GRIN3B: variants seen among roughly 807,000 people sequenced by gnomAD.
The protein encoded by GRIN3B is glutamate ionotropic receptor NMDA type subunit 3B.
A neutral mutation model predicts 66.0 loss-of-function variants in GRIN3B; 77 were observed. The ratio of observed to expected loss-of-function variants is 1.17; its 90% CI spans 0.97 to 1.41. The LOEUF is 1.41. GRIN3B is among the 40% of genes most tolerant of loss of function. GRIN3B has a pLI of 0.00. For synonymous variants in GRIN3B, 823 were observed against 749.7 expected, an observed-to-expected ratio of 1.10 and a Z score of -1.60; for missense variants, 1,787 against 1,564.5, an observed-to-expected ratio of 1.14 and a Z score of -2.40.
chr19:1,008,001 C>T (rs1309854285), intron 5 of GRIN3B, 30 bp downstream of exon 5: 10 of 1,604,848 alleles, frequency 6.2e-6, no homozygotes, highest in Non-Finnish European at 7.7e-6. Context: ...GGCGGGGCGC[C>T]GGGGTCTCTG....
chr19:1,003,159 C>T lies in GRIN3B; in HGVS notation c.456C>T (p.Ala152=), dbSNP rs35163060. Residue 152 remains alanine (A), a synonymous_variant, in exon 2 of 9, where the codon GCC becomes GCT. Coordinates refer to ENST00000234389, the MANE Select transcript of GRIN3B (RefSeq NM_138690.3). ...PNPFHLQLHW[A]SPLETLLDVL... ...CATTCCACCTGCAGCTGCACTGGGC[C>T]AGCCCCCTGGAGACGCTGCTGGATG... 0.085 allele frequency: 125,215 copies of T among 1,479,266 alleles called. 7,023 individuals are homozygous for T. The highest frequency in any genetic ancestry group is 0.28 in the African/African-American group (19,404 of 68,124). The allele number at this position is 1,479,266 out of a possible 1,614,324, so 91.6% of individuals were successfully genotyped here. A position where few individuals can be genotyped will look rare whatever the true frequency, so the allele number is the denominator to read the frequency against.
rs1473120624 is a variant in GRIN3B at position 1,007,697 on chromosome 19, A to T, written c.2122A>T (p.Lys708Ter). ...WESSAEAYIK[K>*]SFPDMHAHMR... ...GAGCAGCGCCGAGGCGTACATCAAGAAGAGCTTCCCCGACATGCACGCACA... is the reference window on the plus strand; with the variant it reads ...GAGCAGCGCCGAGGCGTACATCAAGTAGAGCTTCCCCGACATGCACGCACA... The change falls in exon 4 of 9, where the codon AAG (lysine) becomes TAG (stop). Residue 708 changes from lysine to a stop codon, truncating the protein, a stop_gained. Transcript: ENST00000234389. LOFTEE classifies it high-confidence loss of function. This position sits in a 1 kb window ranked among gnomAD's most constrained non-coding sequence, Gnocchi z 4.4. 10 of 1,537,512 alleles carry T rather than the reference A, an allele frequency of 6.5e-6. No individual in the cohort carries two copies. In the South Asian group the frequency reaches 9.7e-5, roughly 15 times the overall value.
Position 1,007,610 on chromosome 19 carries a change from A to G in GRIN3B, c.2053-18A>G. On this transcript the variant is annotated intron_variant, in intron 3 of 8. Transcript: ENST00000234389. This position sits in a 1 kb window ranked among gnomAD's most constrained non-coding sequence, Gnocchi z 4.4. Reference sequence around the variant, plus strand: ...TCCTGAGGGGCAGGCAGAGGCGCTGACGGGGTCCCCCGCGCAGCTGCACCA... The same window carrying G: ...TCCTGAGGGGCAGGCAGAGGCGCTGGCGGGGTCCCCCGCGCAGCTGCACCA... 6.8e-7 allele frequency: 1 copy of G among 1,479,486 alleles called. No individual in the cohort carries two copies. The highest frequency in any genetic ancestry group is 2.4e-5 in the Admixed American group (1 of 42,188). The allele number at this position is 1,479,486 out of a possible 1,614,324, so 91.6% of individuals were successfully genotyped here.
Position 1,009,236 on chromosome 19 carries a change from A to ACGGGCGCGC in GRIN3B, c.2772_2780dup (p.Arg925_Ala927dup). On this transcript the variant is annotated inframe_insertion, in exon 9 of 9. Transcript: ENST00000234389. ...AGCCAACGGCTCCGGAGGGCTGGAA[A>ACGGGCGCGC]CGGGCGCGCCGGGCCGTGGACAAGG... 6.9e-7 allele frequency: 1 copy of ACGGGCGCGC among 1,453,656 alleles called. No individual in the cohort carries two copies. Among genetic ancestry groups the ACGGGCGCGC allele is most frequent in the Middle Eastern group, 2.4e-4 (1 of 4,168 alleles). The allele number at this position is 1,453,656 out of a possible 1,614,324, so 90.0% of individuals were successfully genotyped here. A position where few individuals can be genotyped will look rare whatever the true frequency, so the allele number is the denominator to read the frequency against.
intron 2 of GRIN3B, among the ~76,000 whole-genome samples, chr19:1,004,029 CTG>C (rs2038712781): frequency 1.3e-5 from 2 of 152,362 alleles, no homozygotes; most frequent in African/African-American, 4.8e-5. Context: ...GTCCAGGCTG[CTG>C]TGAGCTGAGA....
At position 1,009,237 on chromosome 19, in the gene GRIN3B, C is replaced by G. The variant is rs550629298; in HGVS notation, c.2767C>G (p.Arg923Gly). 2.0e-5 allele frequency: 29 copies of G among 1,442,486 alleles called. No homozygotes were observed. The highest frequency in any genetic ancestry group is 2.4e-4 in the Middle Eastern group (1 of 4,108). The allele number at this position is 1,442,486 out of a possible 1,614,324, so 89.4% of individuals were successfully genotyped here. ...DQPTAPEGWK[R>G]ARRAVDKERR... ...GCCAACGGCTCCGGAGGGCTGGAAA[C>G]GGGCGCGCCGGGCCGTGGACAAGGA... Residue 923 changes from arginine (R) to glycine (G), a missense_variant, in exon 9 of 9, where the codon CGG becomes GGG. Coordinates refer to ENST00000234389, the MANE Select transcript of GRIN3B (RefSeq NM_138690.3).
intron 3 of GRIN3B, among the ~76,000 whole-genome samples, chr19:1,006,686 T>C (rs1226256266): frequency 6.6e-6 from 1 of 152,152 alleles, no homozygotes; most frequent in Admixed American, 6.6e-5. Context: ...TGGTGTCCCC[T>C]GGGGGTGCCT....
intron 1 of GRIN3B, 137 bp downstream of exon 1, chr19:1,001,000 C>T (rs1046051482): frequency 3.9e-6 from 4 of 1,034,764 alleles, no homozygotes; most frequent in Non-Finnish European, 3.8e-6. Context: ...TGGACGGGCC[C>T]CAGGGATCAG....
At position 1,000,581 on chromosome 19, in the gene GRIN3B, C is replaced by A. The variant is rs1353806887; in HGVS notation, c.144C>A (p.Leu48=). ...RLGALLPRAP[L]ARARARAALA... is the part of the protein sequence containing the mutation. ...GCGCCCTCCTGCCCCGCGCGCCTCTCGCCCGCGCCCGCGCCCGCGCCGCCC... is the reference window on the plus strand; with the variant it reads ...GCGCCCTCCTGCCCCGCGCGCCTCTAGCCCGCGCCCGCGCCCGCGCCGCCC... Residue 48 remains leucine, a synonymous_variant, in exon 1 of 9, where the codon CTC becomes CTA. Transcript: ENST00000234389. 3.0e-6 allele frequency: 3 copies of A among 1,004,970 alleles called. No homozygotes were observed. Among genetic ancestry groups the A allele is most frequent in the Admixed American group, 1.2e-4 (2 of 16,722 alleles). The allele number at this position is 1,004,970 out of a possible 1,614,324, so 62.3% of individuals were successfully genotyped here.
At chr19:1,008,377 T>TC in intron 6 of GRIN3B, 86 bp downstream of exon 6, 6 of 1,282,934 alleles carry the variant, frequency 4.7e-6, no homozygotes, top group Non-Finnish European at 5.4e-6. Context: ...ACCCCAGTGC[T>TC]CATTCCCCAG....
rs1306295647 is a variant in GRIN3B, at chr19:1,000,442, A to C, written c.5A>C (p.Glu2Ala). The C allele has an allele frequency of 8.3e-7, 1 of 1,211,058 alleles. No homozygotes were observed. Among genetic ancestry groups the C allele is most frequent in the African/African-American group, 1.6e-5 (1 of 63,144 alleles). 75.0% of individuals were successfully genotyped at this position (1,211,058 alleles called of 1,614,324 possible). A position where few individuals can be genotyped will look rare whatever the true frequency, so the allele number is the denominator to read the frequency against. ...AGCGACGCCGACAACTTTGCGATGG[A>C]GTTTGTGCGGGCGCTGTGGCTGGGC... M[E>A]FVRALWLGLA... is the part of the protein sequence containing the mutation. Residue 2 changes from glutamate (E) to alanine (A), a missense_variant, in exon 1 of 9, where the codon GAG (glutamate) becomes GCG (alanine). Physicochemically the swap from Glu to Ala is moderately radical, Grantham distance 107. Transcript: ENST00000234389.
rs947877973 is a variant in GRIN3B at position 1,003,515 on chromosome 19, C to T, written c.812C>T (p.Thr271Ile). 20 of 1,531,856 alleles carry T rather than the reference C, an allele frequency of 1.3e-5. No individual in the cohort carries two copies. The Admixed American group carries it at 2.4e-4, about 18-fold the overall frequency. 94.9% of individuals were successfully genotyped at this position (1,531,856 alleles called of 1,614,324 possible). Residue 271 changes from threonine (T) to isoleucine (I), a missense_variant, in exon 2 of 9, where the codon ACC becomes ATC. Transcript: ENST00000234389. ...GTPLPPKALPTAGLPPGLLAL... is the reference protein window; with the variant it reads ...GTPLPPKALPIAGLPPGLLAL... ...CCACTGCCGCCCAAGGCCCTGCCCA[C>T]CGCGGGGCTGCCACCAGGGCTGCTG... is the stretch of plus-strand genomic sequence containing the variant.
rs765980188 is a variant in GRIN3B, at chr19:1,003,172, ACGC to A, written c.470_472del (p.Thr157_Leu158delinsMet). The stretch of plus-strand genomic sequence containing the variant: ...GCTGCACTGGGCCAGCCCCCTGGAG[ACGC>A]TGCTGGATGTGCTGGTGGCGGTGCT... On this transcript the variant is annotated inframe_deletion, in exon 2 of 9. Transcript: ENST00000234389. 1.3e-6 allele frequency: 2 copies of A among 1,495,622 alleles called. No individual in the cohort carries two copies. The highest frequency in any genetic ancestry group is 1.8e-6 in the Non-Finnish European group (2 of 1,125,084). The allele number at this position is 1,495,622 out of a possible 1,614,324, so 92.6% of individuals were successfully genotyped here. A position where few individuals can be genotyped will look rare whatever the true frequency, so the allele number is the denominator to read the frequency against.
rs774436196 is a variant in GRIN3B at position 1,004,611 on chromosome 19, G to A, written c.1110G>A (p.Val370=). Residue 370 remains valine (V), a synonymous_variant, in exon 3 of 9, where the codon GTG becomes GTA. Coordinates refer to ENST00000234389, the MANE Select transcript of GRIN3B (RefSeq NM_138690.3). ...TACACATGTCTCGGCACTTTAAGGT[G>A]TGGAGCCTTCGCCGGGACCCACGGG... ...SQVHMSRHFK[V]WSLRRDPRGA... 2.5e-6 allele frequency: 4 copies of A among 1,606,796 alleles called. No individual in the cohort carries two copies. In the South Asian group the frequency reaches 3.3e-5, roughly 13 times the overall value.
Position 1,004,650 on chromosome 19 carries a change from G to A in GRIN3B, c.1149G>A (p.Trp383Ter), listed in dbSNP as rs1269869033. The A allele has an allele frequency of 6.3e-7, 1 of 1,599,306 alleles. No homozygotes were observed. Among genetic ancestry groups the A allele is most frequent in the South Asian group, 1.1e-5 (1 of 89,828 alleles). Residue 383 changes from tryptophan (W) to a stop codon, truncating the protein, a stop_gained, in exon 3 of 9, where the codon TGG (tryptophan) becomes TGA (stop). Transcript: ENST00000234389. LOFTEE classifies it high-confidence loss of function. ...GGGACCCACGGGGCGCCCCGGCCTG[G>A]GCCACGGTGGGCAGCTGGCGGGACG... ...LRRDPRGAPA[W>*]ATVGSWRDGQ...
At chr19:1,009,138 C>G in intron 8 of GRIN3B, 35 bp from the exon 9 acceptor site, 1 of 1,442,970 alleles carries the variant, frequency 6.9e-7, no homozygotes, top group South Asian at 1.5e-5. Context: ...GACGGCTGCC[C>G]CGGCGGACAC....
intron 3 of GRIN3B, among the ~76,000 whole-genome samples, chr19:1,006,212 G>T (rs753657732): frequency 4.0e-5 from 6 of 151,532 alleles, no homozygotes; most frequent in Non-Finnish European, 5.9e-5. Context: ...GCAGTGGCAC[G>T]ATCTTGGCTC....
rs761787718 is a variant in GRIN3B at position 1,004,614 on chromosome 19, G to C, written c.1113G>C (p.Trp371Cys). Residue 371 changes from tryptophan (W) to cysteine (C), a missense_variant, in exon 3 of 9, where the codon TGG (tryptophan) becomes TGC (cysteine). Trp to Cys is a radical substitution (Grantham distance 215). Transcript: ENST00000234389. ...ACATGTCTCGGCACTTTAAGGTGTGGAGCCTTCGCCGGGACCCACGGGGCG... is the reference window on the plus strand; with the variant it reads ...ACATGTCTCGGCACTTTAAGGTGTGCAGCCTTCGCCGGGACCCACGGGGCG... ...QVHMSRHFKV[W>C]SLRRDPRGAP... 7.5e-6 allele frequency: 12 copies of C among 1,605,504 alleles called. No individual in the cohort carries two copies. The African/African-American group carries it at 1.3e-4, about 18-fold the overall frequency.
In GRIN3B at chr19:1,009,329, G is replaced by T; in HGVS notation, c.2859G>T (p.Glu953Asp). Residue 953 changes from glutamate to aspartate, a missense_variant, in exon 9 of 9, where the codon GAG (glutamate) becomes GAT (aspartate). By Grantham distance (45) the Glu-to-Asp change is conservative. Transcript: ENST00000234389. The stretch of plus-strand genomic sequence containing the variant: ...CACCCGAAGCGGACGCGGAGGCGGA[G>T]GCTGCGCCGCGAGAGGGCCCCGTCT... ...VVAPEADAEA[E>D]AAPREGPVWL... The T allele has an allele frequency of 7.1e-7, 1 of 1,400,262 alleles. No individual in the cohort carries two copies. The highest frequency in any genetic ancestry group is 1.5e-5 in the South Asian group (1 of 64,678). 86.7% of individuals were successfully genotyped at this position (1,400,262 alleles called of 1,614,324 possible).
Sources: allele counts gnomAD v4.1 joint callset (sites outside exome capture counted in the v4.1 genomes callset), GRCh38; gene constraint gnomAD v4.1.1; non-coding constraint Gnocchi (gnomAD v3.1); transcripts MANE v1.5; gene names NCBI Gene and HGNC (gene_info 2026-07-23, HGNC 2026-07-21).